Variants in RFX7 observed in about 807,000 individuals in gnomAD.
The protein encoded by RFX7 is regulatory factor X7.
Under a neutral mutation model 111.8 loss-of-function variants are expected in RFX7, and 26 were observed. The observed-to-expected ratio is 0.23, with a 90% confidence interval of 0.17 to 0.32. RFX7 has a LOEUF of 0.32. Ranked by LOEUF, RFX7 falls within the 10% of genes least tolerant of loss-of-function variation. The pLI, the probability that RFX7 is intolerant of heterozygous loss-of-function variation, is 1.00. For missense variants in RFX7, 1,573 were observed against 1,772.9 expected (o/e 0.89, Z 2.02); for synonymous variants, 624 against 624.4 (o/e 1.00, Z 0.01).
At chr15:56,244,988 C>T (rs373342605), upstream of RFX7, among the ~76,000 whole-genome samples, 2 of 152,308 alleles carry the variant, frequency 1.3e-5, 1 homozygote. Flanking sequence ...GTTCAGCTCA[C>T]ACTGACCTTT....
intron 2 of RFX7, among the ~76,000 whole-genome samples, chr15:56,206,427 G>A (rs2043252689): frequency 6.6e-6 from 1 of 152,084 alleles, no homozygotes; most frequent in African/African-American, 2.4e-5. Flanking sequence ...GCACAATCAT[G>A]ATGGAGAATA....
intron 2 of RFX7, among the ~76,000 whole-genome samples, chr15:56,229,985 T>C (rs964821807): frequency 6.6e-6 from 1 of 152,154 alleles, no homozygotes; most frequent in East Asian, 1.9e-4. Flanking sequence ...CCTCCTTCCT[T>C]ATCTGCCCTC....
chr15:56,199,009 A>C (rs1404208907), intron 2 of RFX7, among the ~76,000 whole-genome samples: 2 of 152,132 alleles, frequency 1.3e-5, no homozygotes, highest in Non-Finnish European at 2.9e-5. Flanking sequence ...AAAGAAAAAA[A>C]AAAAAGTTAA....
chr15:56,219,197 T>C (rs2043398460), intron 2 of RFX7, among the ~76,000 whole-genome samples: 1 of 152,142 alleles, frequency 6.6e-6, no homozygotes. Context: ...TAGGATTTTA[T>C]GTTTTTCTGA....
At chr15:56,133,958 C>T (rs544334671) in intron 5 of RFX7, among the ~76,000 whole-genome samples, 5 of 152,230 alleles carry the variant, frequency 3.3e-5, no homozygotes, top group South Asian at 2.1e-4. Context: ...TTTGTATGCA[C>T]GTATACTAAC....
At chr15:56,167,507 T>A (rs923729854) in intron 3 of RFX7, among the ~76,000 whole-genome samples, 2 of 152,186 alleles carry the variant, frequency 1.3e-5, no homozygotes, top group Admixed American at 6.5e-5. Flanking sequence ...AAACTAATTA[T>A]GAAAAATGTA....
chr15:56,101,201 T>C lies in RFX7; in HGVS notation c.811+158A>G, dbSNP rs2041747350. Among the ~76,000 whole-genome samples the C allele has an allele frequency of 3.3e-5, 5 of 152,178 alleles. No individual in the cohort carries two copies. In the South Asian group the frequency reaches 1.0e-3, roughly 32 times the overall value. On this transcript the variant is annotated intron_variant, in intron 8 of 9. Transcript: ENST00000559447. Reference sequence around the variant, plus strand: ...ATGAAAGGATTATTATTTTCTTGGCTCAACAGACCCATCTGAATTTAGTGT... The same window carrying C: ...ATGAAAGGATTATTATTTTCTTGGCCCAACAGACCCATCTGAATTTAGTGT...
chr15:56,097,746 C>CAAAAAAAAAAAAAAAAAAAAA (rs67718449), intron 9 of RFX7, among the ~76,000 whole-genome samples: 2 of 47,332 alleles, frequency 4.2e-5, no homozygotes, highest in Non-Finnish European at 6.6e-5. Flanking sequence ...GACTCTGTCT[C>CAAAAAAAAAAAAAAAAAAAAA]AAAAAAAAAA....
intron 2 of RFX7, among the ~76,000 whole-genome samples, chr15:56,199,789 C>T (rs938085436): frequency 2.6e-5 from 4 of 152,136 alleles, no homozygotes; most frequent in Admixed American, 1.3e-4. Context: ...TACTACATCT[C>T]GAGTTTTTAA....
intron 2 of RFX7, among the ~76,000 whole-genome samples, chr15:56,196,396 A>G (rs1268199665): frequency 6.6e-6 from 1 of 151,880 alleles, no homozygotes; most frequent in African/African-American, 2.4e-5. Context: ...AAACAATACA[A>G]TAGTTTTGTT....
At chr15:56,196,371 GCTGA>G (rs776883305) in intron 2 of RFX7, among the ~76,000 whole-genome samples, 44 of 151,892 alleles carry the variant, frequency 2.9e-4, no homozygotes, top group Middle Eastern at 6.8e-3. Flanking sequence ...TACTACAAAT[GCTGA>G]CTATCTCCAT....
chr15:56,219,877 A>C (rs2043405660), intron 2 of RFX7, among the ~76,000 whole-genome samples: 8 of 152,228 alleles, frequency 5.3e-5, no homozygotes, highest in Admixed American at 5.2e-4. Flanking sequence ...CTTTGGGTAT[A>C]TACCCAATAA....
intron 5 of RFX7, among the ~76,000 whole-genome samples, chr15:56,123,569 G>A (rs572247079): frequency 2.5e-4 from 38 of 152,314 alleles, no homozygotes; most frequent in African/African-American, 8.7e-4. Context: ...TGGCCACCCT[G>A]GCTGGTGTCT....
In RFX7 at chr15:56,093,903, A is replaced by G. The variant is rs193234226; in HGVS notation, c.3825T>C (p.Ser1275=). 5.1e-5 allele frequency: 83 copies of G among 1,613,892 alleles called. No homozygotes were observed. Among genetic ancestry groups the G allele is most frequent in the Non-Finnish European group, 4.2e-6 (5 of 1,179,892 alleles). The change falls in exon 10 of 10, where the codon TCT becomes TCC. Residue 1275 remains serine, a synonymous_variant. Transcript: ENST00000559447. The part of the protein sequence containing the change: ...VRGLGMNNLP[S]NYTARMNLTQ... ...TGAGATTCATCCGGGCTGTATAATT[A>G]GAGGGCAGGTTGTTCATTCCCAAAC...
At chr15:56,114,466 A>G (rs2041981568) in intron 5 of RFX7, among the ~76,000 whole-genome samples, 8 of 151,750 alleles carry the variant, frequency 5.3e-5, no homozygotes, top group Admixed American at 5.2e-4. Context: ...AAAGGAAAAG[A>G]AAAAGAAAAA....
chr15:56,119,576 A>G (rs184459448), intron 5 of RFX7, among the ~76,000 whole-genome samples: 26 of 152,138 alleles, frequency 1.7e-4, no homozygotes, highest in Non-Finnish European at 3.2e-4. Context: ...CAGGAGTTCA[A>G]GACCAGCCTG....
At chr15:56,125,106 A>G (rs1228717121) in intron 5 of RFX7, among the ~76,000 whole-genome samples, 11 of 152,212 alleles carry the variant, frequency 7.2e-5, no homozygotes, top group African/African-American at 2.7e-4. Flanking sequence ...TTTATTGAAG[A>G]GACTGTCCTT....
chr15:56,112,379 C>CAAAAAAAAAAAAAAAAAAAAAAAACAAA (rs71110374), intron 5 of RFX7, among the ~76,000 whole-genome samples: 1 of 71,768 alleles, frequency 1.4e-5, no homozygotes, highest in Non-Finnish European at 2.6e-5. Context: ...GAGTACAAAT[C>CAAAAAAAAAAAAAAAAAAAAAAAACAAA]AAAAAAAAAA....
intron 2 of RFX7, among the ~76,000 whole-genome samples, chr15:56,238,417 C>G (rs1363561872): frequency 1.3e-5 from 2 of 152,074 alleles, no homozygotes; most frequent in Non-Finnish European, 2.9e-5. Flanking sequence ...TAATCTTCAG[C>G]CTAAAATATA....
Sources: gnomAD v4.1 joint callset for allele counts (sites outside exome capture counted in the v4.1 genomes callset) on GRCh38, gnomAD v4.1.1 for gene constraint, MANE v1.5 for transcripts, NCBI Gene and HGNC (gene_info 2026-07-23, HGNC 2026-07-21) for gene names.